TBC1D5: variants seen among roughly 807,000 people sequenced by gnomAD.
The protein encoded by TBC1D5 is TBC1 domain family member 5, also known as TBC1 domain family, member 5.
TBC1D5 carries 75 observed loss-of-function variants against 100.3 expected under a neutral mutation model. The observed-to-expected ratio is 0.75, with a 90% confidence interval of 0.62 to 0.91. TBC1D5 has a LOEUF of 0.91. TBC1D5 is among the 40% of genes least tolerant of loss of function. The probability of loss-of-function intolerance (pLI) is 0.00; values close to 1 mark genes in which losing one functional copy is unlikely to be tolerated. For missense variants in TBC1D5, 910 were observed against 942.4 expected (o/e 0.97, Z 0.45); for synonymous variants, 323 against 325.6 (o/e 0.99, Z 0.09).
At chr3:17,183,577 T>A (rs2068687749) in intron 19 of TBC1D5, among the ~76,000 whole-genome samples, 1 of 152,112 alleles carries the variant, frequency 6.6e-6, no homozygotes, top group Non-Finnish European at 1.5e-5. Flanking sequence ...TCTACCAGGG[T>A]TTCTCCTGCT....
At chr3:17,230,810 C>T (rs1559455266) in intron 17 of TBC1D5, among the ~76,000 whole-genome samples, 2 of 152,106 alleles carry the variant, frequency 1.3e-5, no homozygotes, top group Non-Finnish European at 2.9e-5. Flanking sequence ...AGATTGGTTT[C>T]AGGACCGCTG....
chr3:17,666,966 T>C (rs1560416799), intron 1 of TBC1D5, among the ~76,000 whole-genome samples: 2 of 152,198 alleles, frequency 1.3e-5, no homozygotes, highest in Non-Finnish European at 2.9e-5. Flanking sequence ...TTTCATTTAT[T>C]CACTCAACAG....
At chr3:17,460,902 G>T (rs890872204) in intron 3 of TBC1D5, among the ~76,000 whole-genome samples, 1 of 152,012 alleles carries the variant, frequency 6.6e-6, no homozygotes, top group Non-Finnish European at 1.5e-5. Flanking sequence ...ACTATATTTG[G>T]AGTTATAAAA....
At chr3:17,264,614 G>A (rs1428684792) in intron 15 of TBC1D5, among the ~76,000 whole-genome samples, 1 of 152,198 alleles carries the variant, frequency 6.6e-6, no homozygotes, top group Non-Finnish European at 1.5e-5. Flanking sequence ...ATCAGGCGCA[G>A]GGTGCCTGAT....
intron 2 of TBC1D5, among the ~76,000 whole-genome samples, chr3:17,564,354 C>T (rs2153483652): frequency 6.6e-6 from 1 of 152,192 alleles, no homozygotes; most frequent in African/African-American, 2.4e-5. Flanking sequence ...CATTTTTTAA[C>T]CAGCATTTAT....
At chr3:17,247,979 C>T (rs1300053811) in intron 16 of TBC1D5, among the ~76,000 whole-genome samples, 1 of 150,434 alleles carries the variant, frequency 6.6e-6, no homozygotes, top group Non-Finnish European at 1.5e-5. Context: ...GTGGTTACTT[C>T]CTCCACTAAT....
intron 2 of TBC1D5, among the ~76,000 whole-genome samples, chr3:17,563,875 T>C (rs960523957): frequency 4.7e-4 from 72 of 152,066 alleles, no homozygotes; most frequent in African/African-American, 1.4e-3. Context: ...CTCCGCCTCC[T>C]GGCTTCACGC....
At chr3:17,693,520 T>G (rs1399146021) in intron 1 of TBC1D5, among the ~76,000 whole-genome samples, 2 of 152,176 alleles carry the variant, frequency 1.3e-5, no homozygotes, top group Non-Finnish European at 2.9e-5. Context: ...GGCGGCAGCC[T>G]GGCTGGGGGA....
chr3:17,693,621 T>G (rs1404711479), intron 1 of TBC1D5, among the ~76,000 whole-genome samples: 1 of 152,190 alleles, frequency 6.6e-6, no homozygotes, highest in African/African-American at 2.4e-5. Context: ...CAGCACACCC[T>G]GCAGCCGCTA....
At chr3:17,704,644 G>A (rs2073739416) in intron 1 of TBC1D5, among the ~76,000 whole-genome samples, 2 of 74,150 alleles carry the variant, frequency 2.7e-5, no homozygotes, top group African/African-American at 9.1e-5. Flanking sequence ...CTGGCCAGGC[G>A]GGGGGCCGAC....
chr3:17,483,893 C>T (rs948034963), intron 3 of TBC1D5, among the ~76,000 whole-genome samples: 4 of 152,062 alleles, frequency 2.6e-5, no homozygotes, highest in Admixed American at 6.5e-5. Flanking sequence ...GTCTATTGAA[C>T]AGTTTGGCCC....
chr3:17,460,260 A>G (rs2095176963), intron 3 of TBC1D5, among the ~76,000 whole-genome samples: 1 of 152,198 alleles, frequency 6.6e-6, no homozygotes, highest in Middle Eastern at 3.2e-3. Context: ...TTCAGAAGAG[A>G]AATTGATAAG....
chr3:17,512,484 G>A (rs2095922997), intron 2 of TBC1D5, among the ~76,000 whole-genome samples: 1 of 151,952 alleles, frequency 6.6e-6, no homozygotes, highest in African/African-American at 2.4e-5. Flanking sequence ...AGAATATAAA[G>A]GCCAAAAACA....
At chr3:17,261,161 A>C (rs1475666502) in intron 15 of TBC1D5, among the ~76,000 whole-genome samples, 1 of 152,246 alleles carries the variant, frequency 6.6e-6, no homozygotes, top group African/African-American at 2.4e-5. Flanking sequence ...CTTCCAATTT[A>C]CCTATAATTC....
rs1388918391 is a variant in TBC1D5, at chr3:17,257,070, T to C, written c.1331+1436A>G. ...TAGGAAAGGGCTTCAGGAAGAAGAC[T>C]GGATAGCCAGTGGCAATAGGAAGCC... is the stretch of plus-strand genomic sequence containing the variant. On this transcript the variant is annotated intron_variant, in intron 16 of 21. Coordinates refer to ENST00000253692, the Ensembl canonical transcript of TBC1D5. 2.0e-5 allele frequency among the ~76,000 whole-genome samples: 3 copies of C among 151,962 alleles called. No individual in the cohort carries two copies. In the East Asian group the frequency reaches 5.8e-4, roughly 30 times the overall value.
chr3:17,324,575 C>G (rs1307800797), intron 13 of TBC1D5, among the ~76,000 whole-genome samples: 2 of 151,974 alleles, frequency 1.3e-5, no homozygotes, highest in South Asian at 4.2e-4. Flanking sequence ...ACCCAGGAGG[C>G]AGAGGTTGCA....
At chr3:17,541,784 C>A (rs2096360135) in intron 2 of TBC1D5, among the ~76,000 whole-genome samples, 1 of 152,152 alleles carries the variant, frequency 6.6e-6, no homozygotes, top group Admixed American at 6.5e-5. Flanking sequence ...AAAAAGTTTT[C>A]AGTCTTTCAC....
Position 17,270,379 on chromosome 3 carries a change from A to G in TBC1D5, c.1246-11788T>C, listed in dbSNP as rs112962116. On this transcript the variant is annotated intron_variant, in intron 15 of 21. Coordinates refer to ENST00000253692, the Ensembl canonical transcript of TBC1D5. ...TGTTTAAGTTCCTTATACATTTTGG[A>G]TATCAAATCTCTCTGCTATCAGTCC... Among the ~76,000 whole-genome samples the G allele has an allele frequency of 2.2e-3, 335 of 152,122 alleles. 1 individual carries two copies. The highest frequency in any genetic ancestry group is 0.01 in the Admixed American group (159 of 15,268).
chr3:17,313,168 C>T (rs2084249947), intron 13 of TBC1D5, among the ~76,000 whole-genome samples: 1 of 152,100 alleles, frequency 6.6e-6, no homozygotes, highest in Non-Finnish European at 1.5e-5. Flanking sequence ...AATCTTAGCC[C>T]TGACAGGAGG....
Sources: allele counts gnomAD v4.1 joint callset (sites outside exome capture counted in the v4.1 genomes callset), GRCh38; gene constraint gnomAD v4.1.1; transcripts MANE v1.5; gene names NCBI Gene and HGNC (gene_info 2026-07-23, HGNC 2026-07-21).